The following ACSBG1 variants were observed in gnomAD, a reference collection of about 807,000 sequenced individuals.
ACSBG1 encodes the protein acyl-CoA synthetase bubblegum family member 1.
Under a neutral mutation model 80.2 loss-of-function variants are expected in ACSBG1, and 39 were observed. The observed-to-expected ratio is 0.49, with a 90% CI of 0.38 to 0.64. The LOEUF is 0.64. Among genes scored for constraint, ACSBG1 ranks in the 30% least tolerant of loss-of-function variants. The probability of loss-of-function intolerance (pLI) is 0.00; values close to 1 mark genes in which losing one functional copy is unlikely to be tolerated. For missense variants in ACSBG1, 828 were observed against 966.4 expected, an observed-to-expected ratio of 0.86 and a Z score of 1.90; for synonymous variants, 392 against 379.5, an observed-to-expected ratio of 1.03 and a Z score of -0.38.
At chr15:78,193,688 A>ACCC in intron 4 of ACSBG1, 62 bp from the exon 5 acceptor site, 1 of 1,138,730 alleles carries the variant, frequency 8.8e-7, no homozygotes, top group Non-Finnish European at 1.1e-6. Flanking sequence ...CCCTTCCCCC[A>ACCC]CCCCCACATC....
intron 5 of ACSBG1, among the ~76,000 whole-genome samples, chr15:78,190,147 G>A (rs1219805834): frequency 6.6e-6 from 1 of 151,952 alleles, no homozygotes; most frequent in Non-Finnish European, 1.5e-5. Flanking sequence ...AGTGGCTCAC[G>A]CCTGTAATCT....
At chr15:78,189,677 T>TGGGGGGG (rs2075039613) in intron 5 of ACSBG1, among the ~76,000 whole-genome samples, 1 of 84,102 alleles carries the variant, frequency 1.2e-5, no homozygotes, top group African/African-American at 4.9e-5. Flanking sequence ...TGTTGTGGGG[T>TGGGGGGG]GGGGTGAGGG....
chr15:78,173,809 T>C lies in ACSBG1; in HGVS notation c.1873A>G (p.Thr625Ala). 6.2e-7 allele frequency: 1 copy of C among 1,614,112 alleles called. No homozygotes were observed. Among genetic ancestry groups the C allele is most frequent in the Non-Finnish European group, 8.5e-7 (1 of 1,180,006 alleles). The change falls in exon 13 of 14, where the codon ACT (threonine) becomes GCT (alanine). Residue 625 changes from threonine (T) to alanine (A), a missense_variant. Physicochemically the swap from Thr to Ala is moderately conservative, Grantham distance 58 (BLOSUM62 0). This residue lies in a region of ACSBG1 where 201 missense variants were observed against 227.0 expected (regional missense o/e 0.89). Transcript: ENST00000258873. ...ATAGCTTGTTCAGTCAGATTATCAG[T>C]CTGGTCAGAGGTGTCTGGGTCCAGA... ...CTLDPDTSDQ[T>A]DNLTEQAMEF...
intron 1 of ACSBG1, chr15:78,212,674 C>A (rs1567094976): frequency 2.2e-6 from 1 of 445,600 alleles, no homozygotes; most frequent in Admixed American, 2.4e-5. Flanking sequence ...GTCACGGAGT[C>A]CCCCCGGGAG....
intron 5 of ACSBG1, among the ~76,000 whole-genome samples, chr15:78,183,470 G>A (rs992293030): frequency 2.6e-5 from 4 of 152,084 alleles, no homozygotes; most frequent in African/African-American, 7.2e-5. Flanking sequence ...CCAGCTACTC[G>A]GGAGACTGAG....
chr15:78,212,208 G>A (rs1358842613), intron 1 of ACSBG1, among the ~76,000 whole-genome samples: 1 of 152,170 alleles, frequency 6.6e-6, no homozygotes, highest in East Asian at 1.9e-4. Context: ...CAGTCTGTCT[G>A]CCTGCTTGGG....
intron 2 of ACSBG1, among the ~76,000 whole-genome samples, chr15:78,198,231 G>A (rs977789480): frequency 6.6e-6 from 1 of 152,152 alleles, no homozygotes; most frequent in Non-Finnish European, 1.5e-5. Context: ...GGTGGAGACA[G>A]GGTTTCACTG....
chr15:78,178,811 C>T lies in ACSBG1; in HGVS notation c.1505G>A (p.Gly502Asp), dbSNP rs759496309. Residue 502 changes from glycine to aspartate, a missense_variant, in exon 11 of 14, where the codon GGC (glycine) becomes GAC (aspartate). Transcript: ENST00000258873. This position sits in a 1 kb window ranked among gnomAD's most constrained non-coding sequence, Gnocchi z 4.3. ...CTGGTTCACCAGCTTCACCCGACAG[C>T]CGGGCACCAACTTGCCTGAGCTGGC... Reference protein sequence around the residue: ...RLYSSGKLVPGCRVKLVNQDA... With the variant: ...RLYSSGKLVPDCRVKLVNQDA... 1.2e-6 allele frequency: 2 copies of T among 1,612,582 alleles called. No individual in the cohort carries two copies. The highest frequency in any genetic ancestry group is 2.7e-5 in the African/African-American group (2 of 74,936).
Position 78,167,710 on chromosome 15 carries a change from T to G in ACSBG1, c.*3734A>C, listed in dbSNP as rs185925860. Reference sequence around the variant, plus strand: ...GACACCTGCCATTCTGCTTCCTGTCTCTATGAATTTGACTACTCTAGGTAC... The same window carrying G: ...GACACCTGCCATTCTGCTTCCTGTCGCTATGAATTTGACTACTCTAGGTAC... On this transcript the variant is annotated 3_prime_UTR_variant, in exon 14 of 14. Transcript: ENST00000258873. 9 of 152,362 alleles carry G rather than the reference T, an allele frequency of 5.9e-5. No individual in the cohort carries two copies. The highest frequency in any genetic ancestry group is 1.9e-4 in the African/African-American group (8 of 41,584). The allele number at this position is 152,362 out of a possible 1,614,324, so 9.4% of individuals were successfully genotyped here.
chr15:78,182,610 C>G lies in ACSBG1; in HGVS notation c.750G>C (p.Glu250Asp). 1 of 1,614,052 alleles carries G rather than the reference C, an allele frequency of 6.2e-7. No individual in the cohort carries two copies. The highest frequency in any genetic ancestry group is 8.5e-7 in the Non-Finnish European group (1 of 1,179,942). ...PNKMANVYTMEEFMELGNEVP... is the reference protein window; with the variant it reads ...PNKMANVYTMDEFMELGNEVP... Reference sequence around the variant, plus strand: ...CTTCATTCCCCAGCTCCATGAATTCCTCCATCTGTAGCCAGATGCAGGGAG... The same window carrying G: ...CTTCATTCCCCAGCTCCATGAATTCGTCCATCTGTAGCCAGATGCAGGGAG... Residue 250 changes from glutamate to aspartate, a missense_variant, in exon 7 of 14, where the codon GAG (glutamate) becomes GAC (aspartate). By Grantham distance (45) the Glu-to-Asp change is conservative. Around this residue, in one of 3 missense-constraint regions of ACSBG1, gnomAD observed 356 missense variants for 363.5 expected, o/e 0.98. Transcript: ENST00000258873.
chr15:78,196,267 C>G (rs1356865062), intron 2 of ACSBG1, among the ~76,000 whole-genome samples: 1 of 152,232 alleles, frequency 6.6e-6, no homozygotes, highest in African/African-American at 2.4e-5. Flanking sequence ...CAAGCCTTGC[C>G]CCATATCCCG....
chr15:78,219,369 T>C lies in ACSBG1; in HGVS notation c.132-11267A>G, dbSNP rs183383433. Among the ~76,000 whole-genome samples the C allele has an allele frequency of 6.1e-4, 88 of 145,270 alleles. 2 individuals are homozygous for C. The East Asian group carries it at 0.012, about 19-fold the overall frequency. On this transcript the variant is annotated intron_variant, in intron 1 of 13. Transcript: ENST00000258873. Reference sequence around the variant, plus strand: ...TTGCAGTGAGCCGAGATTGTGCCACTGCATTCCAGCCTGGGTGACAGAGTA... The same window carrying C: ...TTGCAGTGAGCCGAGATTGTGCCACCGCATTCCAGCCTGGGTGACAGAGTA...
chr15:78,201,366 G>A (rs2075165308), intron 2 of ACSBG1, among the ~76,000 whole-genome samples: 1 of 152,196 alleles, frequency 6.6e-6, no homozygotes, highest in African/African-American at 2.4e-5. Context: ...TGCCCCCCAG[G>A]GAGGCCAATG....
At chr15:78,186,748 A>G (rs1165780123) in intron 5 of ACSBG1, among the ~76,000 whole-genome samples, 2 of 152,204 alleles carry the variant, frequency 1.3e-5, no homozygotes, top group African/African-American at 2.4e-5. Flanking sequence ...ACACCCTAAC[A>G]TCACAATTAA....
At chr15:78,195,664 T>A (rs988543650) in intron 2 of ACSBG1, among the ~76,000 whole-genome samples, 1 of 152,152 alleles carries the variant, frequency 6.6e-6, no homozygotes, top group African/African-American at 2.4e-5. Context: ...GCTCCATAAA[T>A]GCACATTTTC....
In ACSBG1 at chr15:78,172,514, G is replaced by A. The variant is rs2074835944; in HGVS notation, c.2090-985C>T. On this transcript the variant is annotated intron_variant, in intron 13 of 13. Transcript: ENST00000258873. The surrounding 1 kb of genome is among the most constrained non-coding windows in gnomAD (Gnocchi z 4.1). The stretch of plus-strand genomic sequence containing the variant: ...GAGCTCTGATTTGAGGTCCTGGGTA[G>A]CTTAAAGTGCCTAACTCACTCTTGA... Among the ~76,000 whole-genome samples the A allele has an allele frequency of 6.6e-6, 1 of 152,172 alleles. No individual in the cohort carries two copies. The highest frequency in any genetic ancestry group is 6.5e-5 in the Admixed American group (1 of 15,274).
intron 7 of ACSBG1, 79 bp from the exon 8 acceptor site, chr15:78,182,224 G>A: frequency 1.3e-6 from 2 of 1,529,176 alleles, no homozygotes; most frequent in East Asian, 2.3e-5. Context: ...CACCCTGGGG[G>A]CCAGCCCCAG....
chr15:78,204,091 C>T (rs991899761), intron 2 of ACSBG1, among the ~76,000 whole-genome samples: 29 of 152,192 alleles, frequency 1.9e-4, no homozygotes, highest in African/African-American at 7.0e-4. Flanking sequence ...GGGGAGAGGG[C>T]CCCTGCAGCT....
rs1353737072 is a variant in ACSBG1, at chr15:78,169,164, T to A, written c.*2280A>T. On this transcript the variant is annotated 3_prime_UTR_variant, in exon 14 of 14. Transcript: ENST00000258873. ...ACAAAATCTGTGCAAAAGATGCAGG[T>A]GGATGTCCCTAGGTCTGTTTTCAAA... 1.5e-5 allele frequency: 7 copies of A among 469,384 alleles called. No homozygotes were observed. Among genetic ancestry groups the A allele is most frequent in the Non-Finnish European group, 2.7e-5 (7 of 262,834 alleles). The allele number at this position is 469,384 out of a possible 1,614,324, so 29.1% of individuals were successfully genotyped here. A position where few individuals can be genotyped will look rare whatever the true frequency, so the allele number is the denominator to read the frequency against.
Sources: gnomAD v4.1 joint callset for allele counts (sites outside exome capture counted in the v4.1 genomes callset) on GRCh38, gnomAD v4.1.1 for gene constraint, gnomAD v4.1.1 regional missense constraint, Gnocchi (gnomAD v3.1) non-coding constraint, MANE v1.5 for transcripts, NCBI Gene and HGNC (gene_info 2026-07-23, HGNC 2026-07-21) for gene names.